The following GLCCI1 variants were observed in gnomAD, a reference collection of about 807,000 sequenced individuals.
The protein encoded by GLCCI1 is glucocorticoid induced 1.
In GLCCI1, 24 loss-of-function variants were observed where a neutral mutation model predicts 52.2. The observed-to-expected ratio is 0.46, with a 90% CI of 0.33 to 0.65. The LOEUF (loss-of-function observed/expected upper bound fraction) is 0.65, where lower values mean the gene tolerates loss of function less well. Among genes scored for constraint, GLCCI1 ranks in the 30% least tolerant of loss-of-function variants. The pLI is 0.02. For synonymous variants in GLCCI1, 310 were observed against 276.5 expected (o/e 1.12, Z -1.20); for missense variants, 704 against 701.5 (o/e 1.00, Z -0.04).
chr7:7,979,290 T>C (rs1447752610), intron 1 of GLCCI1, among the ~76,000 whole-genome samples: 1 of 152,194 alleles, frequency 6.6e-6, no homozygotes, highest in Non-Finnish European at 1.5e-5. Flanking sequence ...AAAAACGCAT[T>C]CAGGGAATTG....
At chr7:8,012,941 G>T (rs7792831) in intron 2 of GLCCI1, among the ~76,000 whole-genome samples, 5,027 of 152,116 alleles carry the variant, frequency 0.033, 261 homozygotes, top group African/African-American at 0.11. Context: ...ATCCATTTGA[G>T]TCCATTTTTG....
chr7:8,034,392 C>T (rs1430786328), intron 3 of GLCCI1, among the ~76,000 whole-genome samples: 1 of 152,048 alleles, frequency 6.6e-6, no homozygotes, highest in African/African-American at 2.4e-5. Flanking sequence ...AAAATTAACA[C>T]TTATACTTCA....
intron 3 of GLCCI1, among the ~76,000 whole-genome samples, chr7:8,050,427 T>G (rs1027764874): frequency 6.6e-6 from 1 of 152,158 alleles, no homozygotes; most frequent in African/African-American, 2.4e-5. Flanking sequence ...TATATAAAAT[T>G]TATATGTAGA....
At chr7:8,036,303 G>C (rs923892238) in intron 3 of GLCCI1, among the ~76,000 whole-genome samples, 2 of 152,094 alleles carry the variant, frequency 1.3e-5, no homozygotes, top group Admixed American at 1.3e-4. Context: ...CTGAAACCAA[G>C]TAACTCATAG....
intron 2 of GLCCI1, among the ~76,000 whole-genome samples, chr7:8,018,132 A>G (rs1484719566): frequency 6.6e-6 from 1 of 152,198 alleles, no homozygotes; most frequent in Non-Finnish European, 1.5e-5. Context: ...TATCATTGCT[A>G]TAAGTACTAT....
chr7:8,088,605 A>G lies in GLCCI1; in HGVS notation c.*2067A>G, dbSNP rs539160464. On this transcript the variant is annotated 3_prime_UTR_variant, in exon 8 of 8. Coordinates refer to ENST00000223145, the MANE Select transcript of GLCCI1 (RefSeq NM_138426.4). Reference sequence around the variant, plus strand: ...GACTTCTGATGTCTGGTTTAGCATTACATAATATGTTGATCTTACACTCTG... The same window carrying G: ...GACTTCTGATGTCTGGTTTAGCATTGCATAATATGTTGATCTTACACTCTG... 121 of 152,756 alleles carry G rather than the reference A, an allele frequency of 7.9e-4. No individual in the cohort carries two copies. Among genetic ancestry groups the G allele is most frequent in the African/African-American group, 2.7e-3 (112 of 41,572 alleles). 9.5% of individuals were successfully genotyped at this position (152,756 alleles called of 1,614,324 possible). A position where few individuals can be genotyped will look rare whatever the true frequency, so the allele number is the denominator to read the frequency against.
intron 3 of GLCCI1, among the ~76,000 whole-genome samples, chr7:8,041,591 G>C (rs564206158): frequency 6.6e-6 from 1 of 152,208 alleles, no homozygotes; most frequent in East Asian, 1.9e-4. Flanking sequence ...CTTGTTAGGA[G>C]CTTGCTTTTT....
chr7:8,030,338 G>T (rs1781718530), intron 3 of GLCCI1, among the ~76,000 whole-genome samples: 1 of 152,088 alleles, frequency 6.6e-6, no homozygotes, highest in African/African-American at 2.4e-5. Context: ...ATATGCCTAT[G>T]CAGAGAAAGA....
At chr7:8,049,718 T>C (rs937988212) in intron 3 of GLCCI1, among the ~76,000 whole-genome samples, 4 of 152,348 alleles carry the variant, frequency 2.6e-5, no homozygotes, top group Non-Finnish European at 4.4e-5. Context: ...CAGTGGTTGG[T>C]TGAAATTATG....
At chr7:8,063,353 C>T (rs1782557825) in intron 5 of GLCCI1, among the ~76,000 whole-genome samples, 1 of 151,752 alleles carries the variant, frequency 6.6e-6, no homozygotes, top group Admixed American at 6.6e-5. Flanking sequence ...ATCATGTTGG[C>T]CAGGCTGGTC....
At chr7:8,072,311 T>G (rs982404114) in intron 6 of GLCCI1, among the ~76,000 whole-genome samples, 2 of 152,238 alleles carry the variant, frequency 1.3e-5, no homozygotes, top group Non-Finnish European at 2.9e-5. Flanking sequence ...GAAGCTACTT[T>G]GGACTTTGTC....
At chr7:8,081,479 T>C (rs952827015) in intron 6 of GLCCI1, among the ~76,000 whole-genome samples, 46 of 152,174 alleles carry the variant, frequency 3.0e-4, no homozygotes, top group African/African-American at 1.1e-3. Flanking sequence ...TCAACCTTTA[T>C]ATATGTGATA....
At chr7:7,986,386 G>C (rs574437620) in intron 1 of GLCCI1, among the ~76,000 whole-genome samples, 113 of 151,888 alleles carry the variant, frequency 7.4e-4, no homozygotes, top group African/African-American at 2.6e-3. Context: ...GGGGGAGGGG[G>C]GGGTGGCAGG....
At chr7:7,972,750 A>C (rs1435440644) in intron 1 of GLCCI1, among the ~76,000 whole-genome samples, 3 of 152,104 alleles carry the variant, frequency 2.0e-5, no homozygotes, top group Admixed American at 2.0e-4. Flanking sequence ...GGAATAGTCA[A>C]TTTTAATATT....
At chr7:7,977,265 A>G (rs1338034031) in intron 1 of GLCCI1, among the ~76,000 whole-genome samples, 1 of 152,222 alleles carries the variant, frequency 6.6e-6, no homozygotes, top group Non-Finnish European at 1.5e-5. Context: ...CATATACATA[A>G]AATTGATTAC....
intron 5 of GLCCI1, among the ~76,000 whole-genome samples, chr7:8,060,562 T>C (rs1782490867): frequency 6.6e-6 from 1 of 152,248 alleles, no homozygotes; most frequent in African/African-American, 2.4e-5. Flanking sequence ...TTCTAGATGT[T>C]TCATATCAAT....
chr7:7,983,305 T>G (rs570051719), intron 1 of GLCCI1, among the ~76,000 whole-genome samples: 2 of 152,298 alleles, frequency 1.3e-5, no homozygotes, highest in Non-Finnish European at 2.9e-5. Flanking sequence ...AATATTTGTT[T>G]TGTTCATTTT....
intron 3 of GLCCI1, among the ~76,000 whole-genome samples, chr7:8,046,074 T>C (rs1782117942): frequency 6.6e-6 from 1 of 152,180 alleles, no homozygotes; most frequent in African/African-American, 2.4e-5. Flanking sequence ...CTTGCAAATC[T>C]TGTAACAAAA....
At chr7:8,029,803 C>G (rs1310100132) in intron 3 of GLCCI1, among the ~76,000 whole-genome samples, 2 of 151,880 alleles carry the variant, frequency 1.3e-5, no homozygotes, top group African/African-American at 4.8e-5. Context: ...ATCCCATTTA[C>G]AATAGACACA....
Sources: allele counts gnomAD v4.1 joint callset (sites outside exome capture counted in the v4.1 genomes callset), GRCh38; gene constraint gnomAD v4.1.1; transcripts MANE v1.5; gene names NCBI Gene and HGNC (gene_info 2026-07-23, HGNC 2026-07-21).